STIM1: variants seen among roughly 807,000 people sequenced by gnomAD.
The protein encoded by STIM1 is stromal interaction molecule 1.
STIM1 carries 25 observed loss-of-function variants against 74.7 expected under a neutral mutation model. That is an observed-to-expected ratio of 0.33 (90% CI 0.24 to 0.47). The LOEUF (loss-of-function observed/expected upper bound fraction) is 0.47. Among genes scored for constraint, STIM1 ranks in the 20% least tolerant of loss-of-function variants. STIM1 has a pLI of 1.00. For missense variants in STIM1, 728 were observed against 920.8 expected, an observed-to-expected ratio of 0.79 and a Z score of 2.71; for synonymous variants, 328 against 348.8, an observed-to-expected ratio of 0.94 and a Z score of 0.66.
intron 2 of STIM1, among the ~76,000 whole-genome samples, chr11:3,982,192 A>G (rs890162910): frequency 2.0e-4 from 30 of 151,110 alleles, no homozygotes; most frequent in African/African-American, 7.3e-4. Context: ...ATGCCCAGTT[A>G]ATTTTTGTAT....
chr11:3,856,254 G>T lies in STIM1; in HGVS notation c.-17G>T. ...GAGGTGTCCACATCAGACGCATGTT[G>T]ACTGAGACCTAGAGTCATGGATGTA... On this transcript the variant is annotated 5_prime_UTR_variant, in exon 1 of 13. Coordinates refer to ENST00000526596, the MANE Select transcript of STIM1 (RefSeq NM_001382567.1). The T allele has an allele frequency of 6.2e-7, 1 of 1,613,982 alleles. No individual in the cohort carries two copies. The highest frequency in any genetic ancestry group is 8.5e-7 in the Non-Finnish European group (1 of 1,180,022).
At chr11:4,016,007 G>C (rs2093893132) in intron 2 of STIM1, among the ~76,000 whole-genome samples, 1 of 152,152 alleles carries the variant, frequency 6.6e-6, no homozygotes. Flanking sequence ...TTAGGTCGGA[G>C]AAGTTTGTTA....
intron 1 of STIM1, among the ~76,000 whole-genome samples, chr11:3,904,698 G>A (rs1435495012): frequency 6.6e-6 from 1 of 152,186 alleles, no homozygotes; most frequent in Non-Finnish European, 1.5e-5. Context: ...TTTAAATTGT[G>A]TGACGGAAGG....
At chr11:3,957,968 C>T (rs1039914917) in intron 1 of STIM1, among the ~76,000 whole-genome samples, 4 of 152,078 alleles carry the variant, frequency 2.6e-5, no homozygotes, top group East Asian at 1.9e-4. Context: ...CGGGTTCAAG[C>T]GATTCTCCTG....
intron 1 of STIM1, among the ~76,000 whole-genome samples, chr11:3,897,827 C>T (rs1375743613): frequency 6.6e-6 from 1 of 152,124 alleles, no homozygotes; most frequent in East Asian, 1.9e-4. Context: ...ATCCATGTCC[C>T]TACAAAGGAC....
At chr11:3,936,268 C>A (rs1335706991) in intron 1 of STIM1, among the ~76,000 whole-genome samples, 2 of 152,204 alleles carry the variant, frequency 1.3e-5, no homozygotes, top group South Asian at 2.1e-4. Flanking sequence ...TTCTTCTGAG[C>A]TGTGCTACCT....
At chr11:3,897,414 A>G (rs2092213580) in intron 1 of STIM1, among the ~76,000 whole-genome samples, 1 of 152,140 alleles carries the variant, frequency 6.6e-6, no homozygotes, top group African/African-American at 2.4e-5. Flanking sequence ...GGTATTCTCT[A>G]CTACTTTTGG....
chr11:3,972,960 G>A (rs2093410873), intron 2 of STIM1: 1 of 512,828 alleles, frequency 1.9e-6, no homozygotes, highest in Non-Finnish European at 3.9e-6. Flanking sequence ...CAAAATTATT[G>A]TAGCTTCCAC....
At chr11:4,076,915 T>G (rs181583452) in intron 7 of STIM1, among the ~76,000 whole-genome samples, 236 of 152,006 alleles carry the variant, frequency 1.6e-3, no homozygotes, top group African/African-American at 5.3e-3. Flanking sequence ...TGTAGTCCTT[T>G]GAAACTTGTT....
chr11:3,974,284 T>C, intron 2 of STIM1: 1 of 320,632 alleles, frequency 3.1e-6, no homozygotes, highest in East Asian at 5.2e-5. Context: ...GCGGCATCCA[T>C]GGGTAGAAAA....
rs545004452 is a variant in STIM1 at position 3,879,358 on chromosome 11, C to T, written c.139+22949C>T. Among the ~76,000 whole-genome samples the T allele has an allele frequency of 5.9e-5, 9 of 152,334 alleles. No individual in the cohort carries two copies. The South Asian group carries it at 6.2e-4, about 11-fold the overall frequency. ...TTCTCTGTAGTTTTTCTGACTTATT[C>T]CAGGGACTTCCCTTTCTAGATTATA... On this transcript the variant is annotated intron_variant, in intron 1 of 12. Transcript: ENST00000526596.
At chr11:3,892,961 G>T (rs987414670) in intron 1 of STIM1, 15 of 934,464 alleles carry the variant, frequency 1.6e-5, no homozygotes, top group Non-Finnish European at 2.1e-5. Context: ...ATAGAGATGG[G>T]GTTTTGCCAT....
At chr11:3,860,363 A>G (rs1402041874) in intron 1 of STIM1, among the ~76,000 whole-genome samples, 2 of 152,366 alleles carry the variant, frequency 1.3e-5, no homozygotes, top group South Asian at 2.1e-4. Context: ...ATTAAATCAT[A>G]GAGAGGTTAA....
intron 3 of STIM1, among the ~76,000 whole-genome samples, chr11:4,030,174 CA>C (rs2094036744): frequency 6.6e-6 from 1 of 151,934 alleles, no homozygotes; most frequent in Non-Finnish European, 1.5e-5. Context: ...ATTAAAAATA[CA>C]AAAATTAGCC....
chr11:3,900,727 A>G (rs922239515), intron 1 of STIM1, among the ~76,000 whole-genome samples: 9 of 151,974 alleles, frequency 5.9e-5, no homozygotes, highest in Non-Finnish European at 1.0e-4. Flanking sequence ...CTACAGGCAC[A>G]CCCCGCCATG....
chr11:4,081,921 CTGA>C (rs2094467508), intron 7 of STIM1, among the ~76,000 whole-genome samples: 1 of 152,196 alleles, frequency 6.6e-6, no homozygotes, highest in Admixed American at 6.5e-5. Context: ...GGAAAGTAAG[CTGA>C]TGTGATAGAA....
At chr11:4,042,052 G>C (rs2094152078) in intron 3 of STIM1, among the ~76,000 whole-genome samples, 1 of 152,232 alleles carries the variant, frequency 6.6e-6, no homozygotes, top group Non-Finnish European at 1.5e-5. Flanking sequence ...AAGTAGATGA[G>C]GGCTTCGTCT....
chr11:3,963,600 C>G (rs73427551), intron 1 of STIM1, among the ~76,000 whole-genome samples: 1,945 of 152,260 alleles, frequency 0.013, 43 homozygotes, highest in African/African-American at 0.045. Context: ...AAATCCTACA[C>G]ATAGTTGTAG....
chr11:4,047,360 A>C lies in STIM1; in HGVS notation c.386-8166A>C, dbSNP rs539903764. Among the ~76,000 whole-genome samples the C allele has an allele frequency of 6.5e-4, 99 of 152,274 alleles. 1 individual carries two copies. Among genetic ancestry groups the C allele is most frequent in the African/African-American group, 2.3e-3 (97 of 41,564 alleles). ...ACCAGGCACAGTAGCTCACGTCTGTAATCCCAGCACTTTGTGAGGCCAAGG... is the reference window on the plus strand; with the variant it reads ...ACCAGGCACAGTAGCTCACGTCTGTCATCCCAGCACTTTGTGAGGCCAAGG... On this transcript the variant is annotated intron_variant, in intron 3 of 12. Coordinates refer to ENST00000526596, the MANE Select transcript of STIM1 (RefSeq NM_001382567.1).
Sources: allele counts gnomAD v4.1 joint callset (sites outside exome capture counted in the v4.1 genomes callset), GRCh38; gene constraint gnomAD v4.1.1; transcripts MANE v1.5; gene names NCBI Gene and HGNC (gene_info 2026-07-23, HGNC 2026-07-21).